The following NECAB2 variants were observed in gnomAD, a reference collection of about 807,000 sequenced individuals.
NECAB2 encodes N-terminal EF-hand calcium-binding protein 2.
In NECAB2, 68 loss-of-function variants were observed where a neutral mutation model predicts 51.9. The ratio of observed to expected loss-of-function variants is 1.31; its 90% CI spans 1.08 to 1.60. The LOEUF is 1.60. NECAB2 is among the 40% of genes most tolerant of loss of function. The probability of loss-of-function intolerance (pLI) is 0.00; values close to 1 mark genes in which losing one functional copy is unlikely to be tolerated. For synonymous variants in NECAB2, 329 were observed against 203.5 expected (o/e 1.62, Z -5.25); for missense variants, 854 against 490.3 (o/e 1.74, Z -7.00).
Position 83,997,277 on chromosome 16 carries a change from C to T in NECAB2, c.849+8C>T, listed in dbSNP as rs1241525600. The stretch of plus-strand genomic sequence containing the variant: ...GAAGATGGCACCAACATGGTGAGGC[C>T]CCTTCCCACCTCTCTTCTGGGACCA... On this transcript the variant is annotated splice_region_variant and intron_variant, in intron 9 of 12. Coordinates refer to ENST00000305202, the MANE Select transcript of NECAB2 (RefSeq NM_019065.3). 2 of 1,613,910 alleles carry T rather than the reference C, an allele frequency of 1.2e-6. No individual in the cohort carries two copies. Among genetic ancestry groups the T allele is most frequent in the South Asian group, 1.1e-5 (1 of 91,080 alleles).
chr16:83,997,919 C>T (rs980307910), intron 9 of NECAB2, among the ~76,000 whole-genome samples: 3 of 152,142 alleles, frequency 2.0e-5, no homozygotes, highest in Admixed American at 6.5e-5. Flanking sequence ...GCTGTGTCTC[C>T]AGGCCCTGGA....
At chr16:84,001,387 T>C (rs2151104207) in intron 11 of NECAB2, among the ~76,000 whole-genome samples, 1 of 152,116 alleles carries the variant, frequency 6.6e-6, no homozygotes, top group East Asian at 1.9e-4. Flanking sequence ...ACACTCACGG[T>C]TTGCTGACAA....
At chr16:83,997,768 C>G (rs373927610) in intron 9 of NECAB2, among the ~76,000 whole-genome samples, 1 of 152,116 alleles carries the variant, frequency 6.6e-6, no homozygotes, top group African/African-American at 2.4e-5. Context: ...GCTGAGATTA[C>G]AGGCGTGAGC....
chr16:83,978,546 AC>A lies in NECAB2; in HGVS notation c.330del (p.Asn110LysfsTer31). The A allele has an allele frequency of 6.2e-7, 1 of 1,612,358 alleles. No homozygotes were observed. The highest frequency in any genetic ancestry group is 8.5e-7 in the Non-Finnish European group (1 of 1,178,848). On this transcript the variant is annotated frameshift_variant, in exon 3 of 13. Coordinates refer to ENST00000305202, the MANE Select transcript of NECAB2 (RefSeq NM_019065.3). LOFTEE classifies it high-confidence loss of function. ...EDLFHTIDSD[N>X]TNHVDTKELC... is the part of the protein sequence containing the mutation. ...CTCTTTCACACGATTGACTCTGACA[AC>A]ACCAAGTGAGCTTCAGTCCTGGCTG...
intron 2 of NECAB2, among the ~76,000 whole-genome samples, chr16:83,973,246 G>C (rs761594652): frequency 2.9e-4 from 44 of 152,238 alleles, no homozygotes; most frequent in Admixed American, 1.2e-3. Flanking sequence ...ACAAGCTGCA[G>C]TTGAGGGTGG....
At chr16:83,990,437 A>G (rs2084607527) in intron 5 of NECAB2, 57 bp from the exon 6 acceptor site, 2 of 1,596,192 alleles carry the variant, frequency 1.3e-6, no homozygotes, top group Admixed American at 1.7e-5. Context: ...GCTAGACCCC[A>G]CCTCCAATTT....
In NECAB2 at chr16:83,978,433, C is replaced by T. The variant is rs2084442440; in HGVS notation, c.227-11C>T. ...AGACACCAGCTCCTTTCTCTGCTTCCTTCCTTGCAGATGATGGGAAGCTGT... is the reference window on the plus strand; with the variant it reads ...AGACACCAGCTCCTTTCTCTGCTTCTTTCCTTGCAGATGATGGGAAGCTGT... On this transcript the variant is annotated splice_polypyrimidine_tract_variant and intron_variant, in intron 2 of 12. Transcript: ENST00000305202. The T allele has an allele frequency of 1.2e-6, 2 of 1,611,536 alleles. No homozygotes were observed. Among genetic ancestry groups the T allele is most frequent in the Non-Finnish European group, 1.7e-6 (2 of 1,178,014 alleles).
At chr16:83,984,172 T>A (rs1338610312) in intron 5 of NECAB2, among the ~76,000 whole-genome samples, 1 of 151,674 alleles carries the variant, frequency 6.6e-6, no homozygotes, top group African/African-American at 2.4e-5. Flanking sequence ...ATTTTTTGTA[T>A]TTTTAGTAGA....
intron 2 of NECAB2, 132 bp from the exon 3 acceptor site, chr16:83,978,312 G>A: frequency 1.5e-6 from 1 of 672,900 alleles, no homozygotes; most frequent in Non-Finnish European, 2.6e-6. Context: ...TAGCTGGGAG[G>A]GTAGGGATTA....
rs765301192 is a variant in NECAB2, at chr16:84,000,715, C to G, written c.963-9C>G. 1.9e-6 allele frequency: 3 copies of G among 1,613,772 alleles called. No individual in the cohort carries two copies. The highest frequency in any genetic ancestry group is 1.7e-4 in the Middle Eastern group (1 of 6,058). On this transcript the variant is annotated splice_polypyrimidine_tract_variant and intron_variant, in intron 10 of 12. Transcript: ENST00000305202. ...CCAGCCTCCTCCCCCCGACCATCTC[C>G]TGTTGCAGCATCACTGCCGTGAGGC...
chr16:83,979,257 C>G (rs1418126636), intron 3 of NECAB2, among the ~76,000 whole-genome samples: 3 of 152,208 alleles, frequency 2.0e-5, no homozygotes, highest in African/African-American at 7.2e-5. Context: ...ACCTGGTCTC[C>G]TTTCTCAGGC....
At chr16:83,998,113 G>T in intron 9 of NECAB2, 92 bp from the exon 10 acceptor site, 2 of 1,099,700 alleles carry the variant, frequency 1.8e-6, no homozygotes, top group Non-Finnish European at 2.6e-6. Context: ...ATTTTATTTT[G>T]ACCGAGGAAG....
chr16:84,002,025 A>G (rs913094134), intron 12 of NECAB2, 109 bp downstream of exon 12: 30 of 1,276,138 alleles, frequency 2.4e-5, no homozygotes, highest in Non-Finnish European at 3.2e-5. Flanking sequence ...CTGTGGGCCC[A>G]CTGTCAGCTC....
chr16:83,965,742 C>T, upstream of NECAB2: 4 of 1,613,604 alleles, frequency 2.5e-6, no homozygotes, highest in Non-Finnish European at 3.4e-6. Flanking sequence ...TTTGGGGTCT[C>T]CCTGGTGCTG....
At chr16:83,965,578 C>T (rs535998615), upstream of NECAB2, 34 of 1,612,886 alleles carry the variant, frequency 2.1e-5, no homozygotes, top group South Asian at 4.4e-5. Flanking sequence ...TGCTGTACCC[C>T]GAGTACCACA....
At chr16:83,965,854 T>C, upstream of NECAB2, 5 of 1,612,900 alleles carry the variant, frequency 3.1e-6, no homozygotes, top group Non-Finnish European at 4.2e-6. Context: ...GGAACCCCAT[T>C]GACGTGGACC....
Position 83,997,278 on chromosome 16 carries a change from C to G in NECAB2, c.849+9C>G, listed in dbSNP as rs377363850. On this transcript the variant is annotated intron_variant, in intron 9 of 12. Coordinates refer to ENST00000305202, the MANE Select transcript of NECAB2 (RefSeq NM_019065.3). ...AAGATGGCACCAACATGGTGAGGCC[C>G]CTTCCCACCTCTCTTCTGGGACCAC... is the stretch of plus-strand genomic sequence containing the variant. The G allele has an allele frequency of 1.3e-5, 21 of 1,614,026 alleles. No homozygotes were observed. The highest frequency in any genetic ancestry group is 1.1e-4 in the African/African-American group (8 of 75,002).
Position 83,981,258 on chromosome 16 carries a change from G to A in NECAB2, c.459+131G>A, listed in dbSNP as rs986263742. 4 of 752,366 alleles carry A rather than the reference G, an allele frequency of 5.3e-6. No individual in the cohort carries two copies. In the African/African-American group the frequency reaches 5.3e-5, roughly 10 times the overall value. 46.6% of individuals were successfully genotyped at this position (752,366 alleles called of 1,614,324 possible). A position where few individuals can be genotyped will look rare whatever the true frequency, so the allele number is the denominator to read the frequency against. ...CTATCTCAGGGGTGGGCTTTGCCTG[G>A]GCCTCTTTGAAGCAGCTGAGATGAA... is the stretch of plus-strand genomic sequence containing the variant. On this transcript the variant is annotated intron_variant, in intron 5 of 12. Transcript: ENST00000305202.
intron 5 of NECAB2, among the ~76,000 whole-genome samples, chr16:83,987,570 C>T (rs1465858310): frequency 6.6e-6 from 1 of 152,026 alleles, no homozygotes; most frequent in African/African-American, 2.4e-5. Flanking sequence ...AATTTATAAT[C>T]TGTGTTCAAA....
Sources: gnomAD v4.1 joint callset for allele counts (sites outside exome capture counted in the v4.1 genomes callset) on GRCh38, gnomAD v4.1.1 for gene constraint, MANE v1.5 for transcripts, NCBI Gene and HGNC (gene_info 2026-07-23, HGNC 2026-07-21) for gene names.